Variants in ANKRD44 observed in about 807,000 individuals in gnomAD.
ANKRD44 encodes ankyrin repeat domain 44.
ANKRD44 carries 35 observed loss-of-function variants against 116.0 expected under a neutral mutation model. The observed-to-expected ratio is 0.30, with a 90% CI of 0.23 to 0.40. The LOEUF (loss-of-function observed/expected upper bound fraction) is 0.40, where lower values mean the gene tolerates loss of function less well. Among genes scored for constraint, ANKRD44 ranks in the 10% least tolerant of loss-of-function variants. ANKRD44 has a pLI of 1.00. For synonymous variants in ANKRD44, 435 were observed against 461.8 expected (o/e 0.94, Z 0.74); for missense variants, 1,014 against 1,242.6 (o/e 0.82, Z 2.77).
At position 196,989,278 on chromosome 2, in the gene ANKRD44, CA is replaced by C. The variant is rs34354879; in HGVS notation, c.*312del. ...TATATGGACATTTTCTCTAGTTTGG[CA>C]AAAAAAAAAAAAAAGGTCAGCACAT... is the stretch of plus-strand genomic sequence containing the variant. On this transcript the variant is annotated 3_prime_UTR_variant, in exon 28 of 28. Coordinates refer to ENST00000282272, the MANE Select transcript of ANKRD44 (RefSeq NM_001195144.2). 154,351 of 721,792 alleles carry C rather than the reference CA, an allele frequency of 0.21. 204 individuals carry two copies. The highest frequency in any genetic ancestry group is 0.22 in the Non-Finnish European group (135,544 of 609,732). The allele number at this position is 721,792 out of a possible 1,614,324, so 44.7% of individuals were successfully genotyped here.
At chr2:197,078,443 C>A in intron 16 of ANKRD44, 2 of 902,874 alleles carry the variant, frequency 2.2e-6, no homozygotes, top group Non-Finnish European at 1.5e-6. Context: ...AGAAATGGTA[C>A]TGCCTTATAT....
intron 17 of ANKRD44, among the ~76,000 whole-genome samples, chr2:197,020,796 GGAGTTT>G (rs377715605): frequency 6.6e-6 from 1 of 151,374 alleles, no homozygotes; most frequent in African/African-American, 2.4e-5. Context: ...AATTATATAT[GGAGTTT>G]TTTATTATTA....
chr2:196,979,908 G>C (rs1426200854), intron 21 of ANKRD44, among the ~76,000 whole-genome samples: 1 of 152,008 alleles, frequency 6.6e-6, no homozygotes, highest in East Asian at 1.9e-4. Context: ...AAAGGTTTTT[G>C]TCACAACCAG....
At chr2:197,244,015 C>A (rs539718687) in intron 1 of ANKRD44, among the ~76,000 whole-genome samples, 3 of 152,158 alleles carry the variant, frequency 2.0e-5, no homozygotes, top group Non-Finnish European at 2.9e-5. Context: ...CCCAGGAATG[C>A]AAACATAAGA....
At chr2:197,112,632 C>T (rs1283106725) in intron 8 of ANKRD44, among the ~76,000 whole-genome samples, 5 of 147,554 alleles carry the variant, frequency 3.4e-5, no homozygotes, top group African/African-American at 1.2e-4. Flanking sequence ...GGCGTGAACC[C>T]GGGAGGCGGA....
At chr2:197,214,100 A>G (rs2081384983) in intron 1 of ANKRD44, among the ~76,000 whole-genome samples, 1 of 152,176 alleles carries the variant, frequency 6.6e-6, no homozygotes. Context: ...CATATTCTTT[A>G]CCCCCATAAT....
intron 21 of ANKRD44, among the ~76,000 whole-genome samples, chr2:196,981,172 C>T (rs994712959): frequency 1.3e-5 from 2 of 152,152 alleles, no homozygotes; most frequent in African/African-American, 4.8e-5. Context: ...ATCCTGACCC[C>T]CATTGACTAC....
At chr2:196,981,133 C>T (rs1305818722) in intron 21 of ANKRD44, among the ~76,000 whole-genome samples, 1 of 152,190 alleles carries the variant, frequency 6.6e-6, no homozygotes, top group Non-Finnish European at 1.5e-5. Context: ...ATCACCAACT[C>T]TGGGGCTACA....
downstream of ANKRD44, among the ~76,000 whole-genome samples, chr2:196,985,850 T>C (rs1477109099): frequency 1.3e-5 from 2 of 152,154 alleles, no homozygotes; most frequent in Non-Finnish European, 2.9e-5. Flanking sequence ...ATGAAAAATT[T>C]TGGATGGTGA....
In ANKRD44 at chr2:197,025,176, G is replaced by A; in HGVS notation, c.1722+20C>T. On this transcript the variant is annotated intron_variant, in intron 17 of 27. Coordinates refer to ENST00000282272, the MANE Select transcript of ANKRD44 (RefSeq NM_001195144.2). ...GGTTGTTTTTGTAACAGGTGAAGCT[G>A]CTCATGGCATCTCACTTACAGCTAA... is the stretch of plus-strand genomic sequence containing the variant. The A allele has an allele frequency of 6.2e-7, 1 of 1,604,398 alleles. No individual in the cohort carries two copies. The highest frequency in any genetic ancestry group is 8.5e-7 in the Non-Finnish European group (1 of 1,172,052).
chr2:197,011,382 A>T (rs1001081508), intron 18 of ANKRD44, among the ~76,000 whole-genome samples: 2 of 152,326 alleles, frequency 1.3e-5, no homozygotes, highest in Non-Finnish European at 1.5e-5. Flanking sequence ...AATGTGTTAG[A>T]TAGCAAAACA....
intron 1 of ANKRD44, among the ~76,000 whole-genome samples, chr2:197,190,442 G>T (rs1372983992): frequency 6.6e-6 from 1 of 152,170 alleles, no homozygotes; most frequent in East Asian, 1.9e-4. Context: ...CTGTGTGTTT[G>T]TATGGATATA....
At chr2:197,088,574 CAT>C (rs995411350) in intron 12 of ANKRD44, 135 bp downstream of exon 12, 2 of 531,960 alleles carry the variant, frequency 3.8e-6, no homozygotes, top group African/African-American at 2.0e-5. Flanking sequence ...GGAAATATAA[CAT>C]AGTGATATTT....
chr2:197,143,529 C>T (rs2079423704), intron 3 of ANKRD44, among the ~76,000 whole-genome samples: 1 of 151,950 alleles, frequency 6.6e-6, no homozygotes, highest in Non-Finnish European at 1.5e-5. Flanking sequence ...AGGACATGAA[C>T]ACGTCATTTT....
chr2:197,205,955 T>A (rs1356202275), intron 1 of ANKRD44, among the ~76,000 whole-genome samples: 1 of 152,110 alleles, frequency 6.6e-6, no homozygotes, highest in Non-Finnish European at 1.5e-5. Flanking sequence ...GAGTGTGGGA[T>A]GCAAGGAGTG....
At chr2:197,265,657 C>T (rs1216881092) in intron 1 of ANKRD44, among the ~76,000 whole-genome samples, 1 of 152,094 alleles carries the variant, frequency 6.6e-6, no homozygotes, top group African/African-American at 2.4e-5. Flanking sequence ...TCTCTATCTC[C>T]TAAGTGTAGA....
intron 16 of ANKRD44, among the ~76,000 whole-genome samples, chr2:197,061,306 A>T (rs111521617): frequency 2.0e-5 from 3 of 152,168 alleles, no homozygotes; most frequent in Non-Finnish European, 2.9e-5. Context: ...CCGAACTCCC[A>T]TAAGCTCAGG....
rs749734880 is a variant in ANKRD44 at position 197,284,535 on chromosome 2, CACACACAT to C, written c.27+26035_27+26042del. Among the ~76,000 whole-genome samples, 236 of 125,882 alleles carry C rather than the reference CACACACAT, an allele frequency of 1.9e-3. 4 individuals are homozygous for C. In the South Asian group the frequency reaches 0.019, roughly 10 times the overall value. 82.6% of individuals were successfully genotyped at this position (125,882 alleles called of 152,430 possible). A position where few individuals can be genotyped will look rare whatever the true frequency, so the allele number is the denominator to read the frequency against. ...ACACACACACACACACACACACACA[CACACACAT>C]AATTTGTGTGTTTAAACAAAATTCT... On this transcript the variant is annotated intron_variant, in intron 1 of 27. Coordinates refer to ENST00000282272, the MANE Select transcript of ANKRD44 (RefSeq NM_001195144.2).
At chr2:196,971,471 C>T (rs868555322) in intron 21 of ANKRD44, among the ~76,000 whole-genome samples, 2 of 152,274 alleles carry the variant, frequency 1.3e-5, no homozygotes, top group Middle Eastern at 6.8e-3. Context: ...ATTCTCGTGC[C>T]TTAGTCTCCT....
Sources: allele counts gnomAD v4.1 joint callset (sites outside exome capture counted in the v4.1 genomes callset), GRCh38; gene constraint gnomAD v4.1.1; transcripts MANE v1.5; gene names NCBI Gene and HGNC (gene_info 2026-07-23, HGNC 2026-07-21).